Variants in CNTRL observed in about 807,000 individuals in gnomAD.
CNTRL encodes the protein 110 kDa centrosomal protein.
In CNTRL, 233 loss-of-function variants were observed where a neutral mutation model predicts 303.7. The observed-to-expected ratio is 0.77, with a 90% CI of 0.69 to 0.86. CNTRL has a LOEUF of 0.86. Ranked by LOEUF, CNTRL falls within the 40% of genes least tolerant of loss-of-function variation. CNTRL has a pLI of 0.00. For missense variants in CNTRL, 2,524 were observed against 2,650.6 expected, an observed-to-expected ratio of 0.95 and a Z score of 1.05; for synonymous variants, 900 against 922.2, an observed-to-expected ratio of 0.98 and a Z score of 0.44.
At chr9:121,138,011 C>T (rs2051288050) in intron 15 of CNTRL, among the ~76,000 whole-genome samples, 2 of 152,282 alleles carry the variant, frequency 1.3e-5, no homozygotes, top group African/African-American at 2.4e-5. Context: ...TGTCTCTGAT[C>T]TGAAGATCTA....
rs775247561 is a variant in CNTRL, at chr9:121,162,078, C to T, written c.5230C>T (p.Gln1744Ter). 3 of 1,614,160 alleles carry T rather than the reference C, an allele frequency of 1.9e-6. No individual in the cohort carries two copies. The Admixed American group carries it at 5.0e-5, about 27-fold the overall frequency. ...LEEKLELENLQQISQQQKGEI... is the reference protein window; with the variant it reads ...LEEKLELENL ...GGAGAAACTGGAGTTAGAGAATTTG[C>T]AGCAGATATCCCAGCAGCAGAAAGG... The change falls in exon 34 of 44, where the codon CAG (glutamine) becomes TAG (stop). Residue 1744 changes from glutamine to a stop codon, truncating the protein, a stop_gained. Coordinates refer to ENST00000373855, the MANE Select transcript of CNTRL (RefSeq NM_007018.6). LOFTEE classifies it high-confidence loss of function.
intron 11 of CNTRL, 134 bp from the exon 12 acceptor site, chr9:121,118,212 A>G (rs2050069562): frequency 1.6e-6 from 1 of 612,254 alleles, no homozygotes; most frequent in African/African-American, 1.9e-5. Context: ...GAGTGCTTAG[A>G]TAACTCCCAC....
chr9:121,150,249 A>G lies in CNTRL; in HGVS notation c.3729A>G (p.Gly1243=), dbSNP rs771536887. Residue 1243 remains glycine (G), a synonymous_variant, in exon 25 of 44, where the codon GGA becomes GGG. Coordinates refer to ENST00000373855, the MANE Select transcript of CNTRL (RefSeq NM_007018.6). ...AACCCCCATTTGTGCCTCCTCCTGG[A>G]TACATGATGTATACTGTGCTTCCTG... ...QEEPPFVPPP[G]YMMYTVLPDG... 2 of 1,614,174 alleles carry G rather than the reference A, an allele frequency of 1.2e-6. No homozygotes were observed. The highest frequency in any genetic ancestry group is 1.7e-6 in the Non-Finnish European group (2 of 1,180,004).
rs764184419 is a variant in CNTRL at position 121,113,614 on chromosome 9, A to C, written c.1235A>C (p.Gln412Pro). ...ATTATTGACAGTGCTCAGGCAGTAC[A>C]GATCAAGAAGATGGAGCCAGATGAA... is the stretch of plus-strand genomic sequence containing the variant. ...SYIIDSAQAVQIKKMEPDEQL... is the reference protein window; with the variant it reads ...SYIIDSAQAVPIKKMEPDEQL... The change falls in exon 10 of 44, where the codon CAG becomes CCG. Residue 412 changes from glutamine (Q) to proline (P), a missense_variant. Coordinates refer to ENST00000373855, the MANE Select transcript of CNTRL (RefSeq NM_007018.6). The C allele has an allele frequency of 1.2e-6, 2 of 1,610,156 alleles. No individual in the cohort carries two copies. Among genetic ancestry groups the C allele is most frequent in the South Asian group, 1.1e-5 (1 of 90,228 alleles).
chr9:121,136,719 A>T (rs886738226), intron 15 of CNTRL, among the ~76,000 whole-genome samples: 1 of 152,216 alleles, frequency 6.6e-6, no homozygotes, highest in African/African-American at 2.4e-5. Flanking sequence ...AAACATATCC[A>T]ATAAATATTT....
chr9:121,098,838 A>ATT (rs2049005101), intron 7 of CNTRL, among the ~76,000 whole-genome samples: 1 of 150,828 alleles, frequency 6.6e-6, no homozygotes, highest in Non-Finnish European at 1.5e-5. Context: ...ACAAAAAAAA[A>ATT]AACAAAAACA....
At position 121,131,107 on chromosome 9, in the gene CNTRL, G is replaced by A. The variant is rs554642680; in HGVS notation, c.2026-4699G>A. ...TGGTGCTGAGAAGAATGTATATTCTGTTGATTTGGGGTGGAGAATTCTGTA... is the reference window on the plus strand; with the variant it reads ...TGGTGCTGAGAAGAATGTATATTCTATTGATTTGGGGTGGAGAATTCTGTA... On this transcript the variant is annotated intron_variant, in intron 14 of 43. Coordinates refer to ENST00000373855, the MANE Select transcript of CNTRL (RefSeq NM_007018.6). 8.5e-4 allele frequency among the ~76,000 whole-genome samples: 130 copies of A among 152,330 alleles called. 1 individual carries two copies. The highest frequency in any genetic ancestry group is 2.1e-3 in the African/African-American group (88 of 41,576).
At chr9:121,102,485 C>T in intron 7 of CNTRL, among the ~76,000 whole-genome samples, 1 of 152,158 alleles carries the variant, frequency 6.6e-6, no homozygotes, top group Non-Finnish European at 1.5e-5. Context: ...TGAAAACTGG[C>T]ACAAGACAGG....
At position 121,135,978 on chromosome 9, in the gene CNTRL, C is replaced by T. The variant is rs745764862; in HGVS notation, c.2198C>T (p.Thr733Ile). 1 of 1,601,494 alleles carries T rather than the reference C, an allele frequency of 6.2e-7. No individual in the cohort carries two copies. Reference sequence around the variant, plus strand: ...GAGTTGGAAAAAGTAACAAGACTTACCCAGGTAAGTAGGAGCATGAAGCCA... The same window carrying T: ...GAGTTGGAAAAAGTAACAAGACTTATCCAGGTAAGTAGGAGCATGAAGCCA... ...KEELEKVTRL[T>I]QLEQSALQAE... The change falls in exon 15 of 44, where the codon ACC (threonine) becomes ATC (isoleucine). Residue 733 changes from threonine to isoleucine, a missense_variant. Transcript: ENST00000373855.
At position 121,158,029 on chromosome 9, in the gene CNTRL, G is replaced by T. The variant is rs777719577; in HGVS notation, c.4684G>T (p.Asp1562Tyr). The change falls in exon 30 of 44, where the codon GAT becomes TAT. Residue 1562 changes from aspartate (D) to tyrosine (Y), a missense_variant. Coordinates refer to ENST00000373855, the MANE Select transcript of CNTRL (RefSeq NM_007018.6). ...KDIEMAERNE[D>Y]HHLQVLKESE... ...CATAGAGATGGCAGAACGCAATGAG[G>T]ATCACCACCTGCAGGTCCTTAAAGA... is the stretch of plus-strand genomic sequence containing the variant. 3.1e-6 allele frequency: 5 copies of T among 1,614,072 alleles called. No individual in the cohort carries two copies. The highest frequency in any genetic ancestry group is 4.5e-5 in the East Asian group (2 of 44,880).
chr9:121,161,592 T>G (rs2052856730), intron 32 of CNTRL: 1 of 416,218 alleles, frequency 2.4e-6, no homozygotes. Context: ...AAGCAGTCCT[T>G]ACACCTCAGC....
chr9:121,160,289 T>C lies in CNTRL; in HGVS notation c.5076T>C (p.Ser1692=). ...ENLQVVLRQM[S]KHKTELKNIL... ...TTCAGGTTGTTTTAAGGCAGATGTC[T>C]AAACATAAAACCGGTAAGTTTAAAG... The change falls in exon 32 of 44, where the codon TCT becomes TCC. Residue 1692 remains serine (S), a synonymous_variant. Coordinates refer to ENST00000373855, the MANE Select transcript of CNTRL (RefSeq NM_007018.6). The C allele has an allele frequency of 1.3e-6, 2 of 1,525,768 alleles. No homozygotes were observed. 94.5% of individuals were successfully genotyped at this position (1,525,768 alleles called of 1,614,324 possible). A position where few individuals can be genotyped will look rare whatever the true frequency, so the allele number is the denominator to read the frequency against.
intron 14 of CNTRL, among the ~76,000 whole-genome samples, chr9:121,128,493 T>G (rs564267040): frequency 1.3e-5 from 2 of 152,312 alleles, no homozygotes; most frequent in Non-Finnish European, 2.9e-5. Flanking sequence ...GATGGGGTTG[T>G]TTTTTTCTTG....
Position 121,118,437 on chromosome 9 carries a change from A to ATTTTCC in CNTRL, c.1547_1548insTTTTCC (p.Glu516delinsAspPhePro). Reference sequence around the variant, plus strand: ...TTACGCCAGGAAGCTCTGGATCTAGAACTGCAGATGGAAAAGCAAAAGCAG... The same window carrying ATTTTCC: ...TTACGCCAGGAAGCTCTGGATCTAGATTTTCCACTGCAGATGGAAAAGCAAAAGCAG... On this transcript the variant is annotated protein_altering_variant, in exon 12 of 44. Coordinates refer to ENST00000373855, the MANE Select transcript of CNTRL (RefSeq NM_007018.6). The ATTTTCC allele has an allele frequency of 6.2e-7, 1 of 1,613,670 alleles. No homozygotes were observed. Among genetic ancestry groups the ATTTTCC allele is most frequent in the South Asian group, 1.1e-5 (1 of 91,030 alleles).
At chr9:121,078,465 A>T (rs929585824) in intron 1 of CNTRL, among the ~76,000 whole-genome samples, 1 of 152,154 alleles carries the variant, frequency 6.6e-6, no homozygotes, top group Non-Finnish European at 1.5e-5. Flanking sequence ...TTCTCCCACT[A>T]TACGCTCACA....
intron 6 of CNTRL, among the ~76,000 whole-genome samples, chr9:121,097,778 A>C (rs933004704): frequency 1.3e-5 from 2 of 152,188 alleles, no homozygotes; most frequent in African/African-American, 2.4e-5. Context: ...TTTATTTCTA[A>C]TTTTGTATGA....
chr9:121,174,456 CAT>C (rs1458426142), intron 42 of CNTRL, among the ~76,000 whole-genome samples: 3 of 152,210 alleles, frequency 2.0e-5, no homozygotes, highest in Non-Finnish European at 2.9e-5. Context: ...TTAATAGCCA[CAT>C]GTGTCTAGTG....
At chr9:121,133,271 G>A (rs1446575253) in intron 14 of CNTRL, among the ~76,000 whole-genome samples, 1 of 152,248 alleles carries the variant, frequency 6.6e-6, no homozygotes, top group Non-Finnish European at 1.5e-5. Context: ...TAGAGGCAGA[G>A]GTCTTGCTGA....
At chr9:121,150,739 G>A (rs938918926) in intron 25 of CNTRL, 16 of 420,840 alleles carry the variant, frequency 3.8e-5, no homozygotes, top group African/African-American at 1.2e-4. Context: ...GGCCAGCCCC[G>A]GTAACAGCAA....
Sources: gnomAD v4.1 joint callset for allele counts (sites outside exome capture counted in the v4.1 genomes callset) on GRCh38, gnomAD v4.1.1 for gene constraint, MANE v1.5 for transcripts, NCBI Gene and HGNC (gene_info 2026-07-23, HGNC 2026-07-21) for gene names.